CNTN4: variants seen among roughly 807,000 people sequenced by gnomAD.
CNTN4 encodes contactin-4.
In CNTN4, 77 loss-of-function variants were observed where a neutral mutation model predicts 122.5. The ratio of observed to expected loss-of-function variants is 0.63; its 90% CI spans 0.52 to 0.76. The LOEUF (loss-of-function observed/expected upper bound fraction) is 0.76. Among genes scored for constraint, CNTN4 ranks in the 30% least tolerant of loss-of-function variants. The pLI, the probability that CNTN4 is intolerant of heterozygous loss-of-function variation, is 0.00. For missense variants in CNTN4, 1,256 were observed against 1,259.1 expected (o/e 1.00, Z 0.04); for synonymous variants, 512 against 447.0 (o/e 1.15, Z -1.83).
intron 8 of CNTN4, among the ~76,000 whole-genome samples, chr3:2,880,779 A>G (rs543796661): frequency 5.9e-5 from 9 of 152,332 alleles, no homozygotes; most frequent in African/African-American, 2.2e-4. Context: ...GAGTTTCAAC[A>G]CCGACTGGTT....
At chr3:2,275,077 GGTAAGA>G (rs1275815835) in intron 2 of CNTN4, among the ~76,000 whole-genome samples, 1 of 152,160 alleles carries the variant, frequency 6.6e-6, no homozygotes, top group Non-Finnish European at 1.5e-5. Context: ...GGGAGATTAA[GGTAAGA>G]GTAAGAGAGA....
rs543222392 is a variant in CNTN4, at chr3:2,465,601, C to T, written c.-88-105815C>T. Reference sequence around the variant, plus strand: ...CTGAGGCAGGAGAATTGCTTGAACCCGGGAGGCAGAGGTTGCAGTGAGCCG... The same window carrying T: ...CTGAGGCAGGAGAATTGCTTGAACCTGGGAGGCAGAGGTTGCAGTGAGCCG... On this transcript the variant is annotated intron_variant, in intron 3 of 24. Coordinates refer to ENST00000418658, the MANE Select transcript of CNTN4 (RefSeq NM_175607.3). 2.5e-3 allele frequency among the ~76,000 whole-genome samples: 384 copies of T among 152,068 alleles called. 1 individual carries two copies. The highest frequency in any genetic ancestry group is 4.3e-3 in the Non-Finnish European group (292 of 67,962).
chr3:2,541,358 CT>C (rs1206435513), intron 3 of CNTN4, among the ~76,000 whole-genome samples: 1 of 151,370 alleles, frequency 6.6e-6, no homozygotes, highest in Non-Finnish European at 1.5e-5. Flanking sequence ...GTATTCAATA[CT>C]TTTCTATGCC....
chr3:2,175,671 T>A (rs2036718800), intron 2 of CNTN4, among the ~76,000 whole-genome samples: 1 of 152,142 alleles, frequency 6.6e-6, no homozygotes, highest in Admixed American at 6.6e-5. Context: ...CTAACCATGA[T>A]GTAATGAACC....
intron 7 of CNTN4, among the ~76,000 whole-genome samples, chr3:2,845,299 G>A (rs1376688260): frequency 1.3e-5 from 2 of 152,044 alleles, no homozygotes; most frequent in African/African-American, 4.8e-5. Flanking sequence ...AATGCATGAT[G>A]AACGTAGCTT....
intron 13 of CNTN4, among the ~76,000 whole-genome samples, chr3:2,961,198 C>G (rs60088324): frequency 0.3 from 35,661 of 120,408 alleles, 6,148 homozygotes; most frequent in East Asian, 0.56. Context: ...CCACTGCACT[C>G]CAGCCTGGGC....
intron 4 of CNTN4, among the ~76,000 whole-genome samples, chr3:2,577,468 T>A (rs1466880402): frequency 1.3e-5 from 2 of 152,204 alleles, no homozygotes; most frequent in Non-Finnish European, 2.9e-5. Flanking sequence ...AGTATTTGCT[T>A]GTTTTATTAT....
Position 2,775,229 on chromosome 3 carries a change from T to A in CNTN4, c.358+29532T>A, listed in dbSNP as rs141118150. On this transcript the variant is annotated intron_variant, in intron 6 of 24. Transcript: ENST00000418658. ...GCTTATTTCAGAATTCAAATACTGC[T>A]TAGTGTTTTTATTTCCAGCCAGTTC... Among the ~76,000 whole-genome samples, 40 of 152,324 alleles carry A rather than the reference T, an allele frequency of 2.6e-4. No homozygotes were observed. The East Asian group carries it at 6.6e-3, about 25-fold the overall frequency.
intron 23 of CNTN4, among the ~76,000 whole-genome samples, chr3:3,050,688 G>T (rs1048442692): frequency 1.3e-5 from 2 of 150,488 alleles, no homozygotes; most frequent in South Asian, 4.2e-4. Context: ...GCTTGAACCC[G>T]GGAGGCGGAG....
chr3:2,403,166 C>T (rs2046918755), intron 3 of CNTN4, among the ~76,000 whole-genome samples: 1 of 151,944 alleles, frequency 6.6e-6, no homozygotes, highest in African/African-American at 2.4e-5. Context: ...AGTCTATGTC[C>T]AAATTTCCTC....
chr3:2,272,396 A>G (rs1016443432), intron 2 of CNTN4, among the ~76,000 whole-genome samples: 3 of 152,130 alleles, frequency 2.0e-5, no homozygotes, highest in African/African-American at 7.2e-5. Context: ...TTTTCACTCA[A>G]TAATATATTG....
At chr3:2,871,354 T>A (rs2093781965) in intron 8 of CNTN4, among the ~76,000 whole-genome samples, 1 of 152,206 alleles carries the variant, frequency 6.6e-6, no homozygotes, top group South Asian at 2.1e-4. Context: ...GACAGATTAC[T>A]ATAGTGTATA....
At chr3:2,944,100 C>G (rs1341276976) in intron 13 of CNTN4, among the ~76,000 whole-genome samples, 2 of 151,010 alleles carry the variant, frequency 1.3e-5, no homozygotes, top group Non-Finnish European at 2.9e-5. Context: ...CTGTATCACT[C>G]AAACATAATC....
intron 3 of CNTN4, among the ~76,000 whole-genome samples, chr3:2,402,950 G>C (rs1439222821): frequency 6.6e-6 from 1 of 152,062 alleles, no homozygotes; most frequent in Non-Finnish European, 1.5e-5. Context: ...CCACAAACTG[G>C]GTGGCTTAAA....
intron 2 of CNTN4, 87 bp from the exon 3 acceptor site, chr3:2,339,091 A>G (rs1179008043): frequency 6.6e-6 from 1 of 152,162 alleles, no homozygotes; most frequent in African/African-American, 2.4e-5. Context: ...TTAGACCGGG[A>G]AGATTACAGG....
At chr3:2,919,370 A>C (rs1451103303) in intron 12 of CNTN4, among the ~76,000 whole-genome samples, 11 of 92,096 alleles carry the variant, frequency 1.2e-4, no homozygotes, top group East Asian at 7.8e-4. Flanking sequence ...AAAAAAAAAA[A>C]AAAAAAACCA....
At chr3:2,833,317 A>G (rs9864982) in intron 7 of CNTN4, among the ~76,000 whole-genome samples, 70,996 of 152,114 alleles carry the variant, frequency 0.47, 18,815 homozygotes, top group East Asian at 0.8. Flanking sequence ...AAAGCCAAAT[A>G]AACATTGTAG....
chr3:2,669,826 A>T (rs7628782), intron 4 of CNTN4, among the ~76,000 whole-genome samples: 8,556 of 152,078 alleles, frequency 0.056, 300 homozygotes, highest in African/African-American at 0.081. Flanking sequence ...GAACATCTTT[A>T]TTTCTGCCTT....
chr3:2,323,782 A>G (rs7373343), intron 2 of CNTN4, among the ~76,000 whole-genome samples: 11,522 of 152,266 alleles, frequency 0.076, 487 homozygotes, highest in Middle Eastern at 0.085. Flanking sequence ...TCAAATTTAC[A>G]TTACTTTCAA....
Sources: allele counts gnomAD v4.1 joint callset (sites outside exome capture counted in the v4.1 genomes callset), GRCh38; gene constraint gnomAD v4.1.1; transcripts MANE v1.5; gene names NCBI Gene and HGNC (gene_info 2026-07-23, HGNC 2026-07-21).